Variants in SLC16A12 observed in about 807,000 individuals in gnomAD.
SLC16A12 encodes the protein solute carrier family 16 member 12.
A neutral mutation model predicts 42.4 loss-of-function variants in SLC16A12; 17 were observed. That is an observed-to-expected ratio of 0.40 (90% CI 0.27 to 0.60). The LOEUF (loss-of-function observed/expected upper bound fraction) is 0.60, where lower values mean the gene tolerates loss of function less well. Among genes scored for constraint, SLC16A12 ranks in the 20% least tolerant of loss-of-function variants. The pLI, the probability that SLC16A12 is intolerant of heterozygous loss-of-function variation, is 0.42. For synonymous variants in SLC16A12, 224 were observed against 229.4 expected, an observed-to-expected ratio of 0.98 and a Z score of 0.21; for missense variants, 544 against 623.0, an observed-to-expected ratio of 0.87 and a Z score of 1.35.
At chr10:89,491,144 G>A (rs933424152) in intron 2 of SLC16A12, among the ~76,000 whole-genome samples, 12 of 152,268 alleles carry the variant, frequency 7.9e-5, no homozygotes, top group East Asian at 1.9e-4. Flanking sequence ...CAAAAGATGC[G>A]TCAGTTTCTC....
intron 2 of SLC16A12, among the ~76,000 whole-genome samples, chr10:89,467,559 A>G (rs1422732322): frequency 6.6e-6 from 1 of 152,220 alleles, no homozygotes; most frequent in African/African-American, 2.4e-5. Context: ...TAATATTGTT[A>G]TATGGAAAAC....
rs992403545 is a variant in SLC16A12, at chr10:89,431,462, C to T, written c.*1602G>A. The T allele has an allele frequency of 6.6e-6, 1 of 152,210 alleles. No homozygotes were observed. Among genetic ancestry groups the T allele is most frequent in the African/African-American group, 2.4e-5 (1 of 41,432 alleles). 9.4% of individuals were successfully genotyped at this position (152,210 alleles called of 1,614,324 possible). A position where few individuals can be genotyped will look rare whatever the true frequency, so the allele number is the denominator to read the frequency against. On this transcript the variant is annotated 3_prime_UTR_variant, in exon 8 of 8. Transcript: ENST00000371790. ...TCAAGTCAGTATTTCATTCTGAAAG[C>T]AATGTATTAACATGTGATTTTATGA...
intron 2 of SLC16A12, among the ~76,000 whole-genome samples, chr10:89,512,249 T>C (rs1843173044): frequency 1.3e-5 from 2 of 152,150 alleles, no homozygotes; most frequent in Non-Finnish European, 2.9e-5. Flanking sequence ...TACACAACAA[T>C]GCGAATGGTG....
intron 2 of SLC16A12, among the ~76,000 whole-genome samples, chr10:89,479,470 T>C (rs1842631160): frequency 6.6e-6 from 1 of 152,232 alleles, no homozygotes. Context: ...AGCAAAGTAT[T>C]GCAACCCTAC....
At chr10:89,554,493 T>A (rs1843796026) in intron 2 of SLC16A12, among the ~76,000 whole-genome samples, 1 of 152,236 alleles carries the variant, frequency 6.6e-6, no homozygotes, top group Admixed American at 6.5e-5. Context: ...GTTATTATCT[T>A]GTGTTGTTTA....
intron 2 of SLC16A12, among the ~76,000 whole-genome samples, chr10:89,467,639 A>G (rs1341034154): frequency 6.6e-6 from 1 of 152,248 alleles, no homozygotes; most frequent in Non-Finnish European, 1.5e-5. Context: ...TGTAAAGCTT[A>G]TGTAAAAGTT....
intron 4 of SLC16A12, 75 bp downstream of exon 4, chr10:89,443,681 A>G: frequency 9.3e-7 from 1 of 1,073,518 alleles, no homozygotes; most frequent in Non-Finnish European, 1.4e-6. Flanking sequence ...CTAGTAATCA[A>G]AGTCAGTGGA....
chr10:89,478,617 C>G (rs926229397), intron 2 of SLC16A12, among the ~76,000 whole-genome samples: 26 of 152,236 alleles, frequency 1.7e-4, no homozygotes, highest in African/African-American at 6.3e-4. Context: ...CCAACTTCCT[C>G]TTTCACTGCT....
chr10:89,539,021 C>T (rs1476580910), upstream of SLC16A12, among the ~76,000 whole-genome samples: 2 of 152,114 alleles, frequency 1.3e-5, no homozygotes, highest in Non-Finnish European at 2.9e-5. Context: ...CCTGTTAGGT[C>T]GATTTAACTA....
At chr10:89,492,622 C>T (rs890012770) in intron 2 of SLC16A12, among the ~76,000 whole-genome samples, 1 of 151,932 alleles carries the variant, frequency 6.6e-6, no homozygotes, top group East Asian at 1.9e-4. Context: ...CACAAGAGTG[C>T]GATGGTGCCG....
At chr10:89,517,669 G>A (rs1429412325) in intron 2 of SLC16A12, among the ~76,000 whole-genome samples, 1 of 152,112 alleles carries the variant, frequency 6.6e-6, no homozygotes, top group Non-Finnish European at 1.5e-5. Flanking sequence ...TCCTGTCTGG[G>A]CATCTCTGAG....
At chr10:89,436,839 GAGA>G (rs1427013299) in intron 6 of SLC16A12, among the ~76,000 whole-genome samples, 41 of 98,734 alleles carry the variant, frequency 4.2e-4, no homozygotes, top group African/African-American at 1.5e-3. Flanking sequence ...AGGAAATAAG[GAGA>G]AAGAAAGAAA....
intron 2 of SLC16A12, among the ~76,000 whole-genome samples, chr10:89,500,925 A>G (rs1306424042): frequency 6.6e-6 from 1 of 152,194 alleles, no homozygotes; most frequent in African/African-American, 2.4e-5. Flanking sequence ...CCTAGAACTG[A>G]TAAAAGAACT....
chr10:89,556,654 G>A (rs960041075), upstream of SLC16A12: 1 of 152,190 alleles, frequency 6.6e-6, no homozygotes, highest in Admixed American at 6.5e-5. Context: ...AAGGGTTCCT[G>A]CCCCATACCA....
chr10:89,549,226 G>T (rs948075488), intron 2 of SLC16A12, among the ~76,000 whole-genome samples: 1 of 152,162 alleles, frequency 6.6e-6, no homozygotes, highest in Non-Finnish European at 1.5e-5. Flanking sequence ...CAAATTGAAG[G>T]AATATTTGAT....
At chr10:89,470,680 T>G (rs553858070) in intron 2 of SLC16A12, among the ~76,000 whole-genome samples, 28 of 152,302 alleles carry the variant, frequency 1.8e-4, no homozygotes, top group African/African-American at 6.7e-4. Context: ...GGTTGGGAAT[T>G]CCTCCAGGCC....
intron 6 of SLC16A12, among the ~76,000 whole-genome samples, chr10:89,437,035 G>C (rs919462219): frequency 1.3e-5 from 2 of 152,208 alleles, no homozygotes; most frequent in Non-Finnish European, 2.9e-5. Context: ...CAAGCTTGAT[G>C]TAAAGGATCA....
chr10:89,453,849 G>A (rs1842134810), intron 3 of SLC16A12, among the ~76,000 whole-genome samples: 1 of 152,042 alleles, frequency 6.6e-6, no homozygotes, highest in Admixed American at 6.6e-5. Context: ...ACTGTAGGAT[G>A]GTTAGCAGCA....
chr10:89,555,085 G>A (rs1162376002), intron 2 of SLC16A12, among the ~76,000 whole-genome samples: 1 of 152,086 alleles, frequency 6.6e-6, no homozygotes, highest in East Asian at 1.9e-4. Context: ...GTAAATATTT[G>A]TAGAATGAAG....
Sources: gnomAD v4.1 joint callset for allele counts (sites outside exome capture counted in the v4.1 genomes callset) on GRCh38, gnomAD v4.1.1 for gene constraint, MANE v1.5 for transcripts, NCBI Gene and HGNC (gene_info 2026-07-23, HGNC 2026-07-21) for gene names.